Variants in TBC1D22A observed in about 807,000 individuals in gnomAD.
TBC1D22A encodes TBC1 domain family member 22A.
A neutral mutation model predicts 60.2 loss-of-function variants in TBC1D22A; 38 were observed. The ratio of observed to expected loss-of-function variants is 0.63; its 90% CI spans 0.49 to 0.83. TBC1D22A has a LOEUF of 0.83. Among genes scored for constraint, TBC1D22A ranks in the 40% least tolerant of loss-of-function variants. TBC1D22A has a pLI of 0.00. For missense variants in TBC1D22A, 628 were observed against 701.0 expected, an observed-to-expected ratio of 0.90 and a Z score of 1.18; for synonymous variants, 302 against 281.7, an observed-to-expected ratio of 1.07 and a Z score of -0.72.
At chr22:46,878,840 G>A in intron 5 of TBC1D22A, 117 bp downstream of exon 5, 1 of 856,618 alleles carries the variant, frequency 1.2e-6, no homozygotes, top group Non-Finnish European at 1.9e-6. Context: ...CTTTGTTGCA[G>A]TGATAAAGGC....
intron 8 of TBC1D22A, 81 bp from the exon 9 acceptor site, chr22:46,974,209 T>C: frequency 5.1e-6 from 6 of 1,186,674 alleles, no homozygotes; most frequent in Non-Finnish European, 6.1e-6. Context: ...GGCTCAGCTC[T>C]GTTCCTCCGT....
chr22:47,075,315 T>A (rs2064162187), intron 11 of TBC1D22A, among the ~76,000 whole-genome samples: 1 of 151,790 alleles, frequency 6.6e-6, no homozygotes, highest in African/African-American at 2.4e-5. Flanking sequence ...GGGGAGGCTT[T>A]GTAGGGTGCT....
chr22:46,925,155 T>G (rs1023013920), intron 8 of TBC1D22A, among the ~76,000 whole-genome samples: 22 of 152,252 alleles, frequency 1.4e-4, no homozygotes, highest in Admixed American at 1.4e-3. Context: ...CCACCTTGTT[T>G]TTTTTGTGTT....
chr22:47,003,157 A>AT (rs1245243007), intron 10 of TBC1D22A, among the ~76,000 whole-genome samples: 1 of 152,124 alleles, frequency 6.6e-6, no homozygotes, highest in Non-Finnish European at 1.5e-5. Flanking sequence ...ACAGTGAACA[A>AT]TTTTTTAATA....
chr22:47,056,572 C>A (rs371821887), intron 11 of TBC1D22A, among the ~76,000 whole-genome samples: 2 of 152,198 alleles, frequency 1.3e-5, no homozygotes, highest in African/African-American at 2.4e-5. Context: ...CTCTCCACCC[C>A]GTCTGTGCAC....
At chr22:47,035,099 A>G (rs576615316) in intron 10 of TBC1D22A, among the ~76,000 whole-genome samples, 30 of 152,304 alleles carry the variant, frequency 2.0e-4, no homozygotes, top group African/African-American at 7.2e-4. Context: ...AGACCTCTTC[A>G]TAAAGCAAAA....
intron 5 of TBC1D22A, among the ~76,000 whole-genome samples, chr22:46,890,849 G>T (rs1246909591): frequency 1.3e-5 from 2 of 152,208 alleles, no homozygotes; most frequent in African/African-American, 4.8e-5. Flanking sequence ...CGTGGGGTGT[G>T]TGTGCGTGGT....
At chr22:46,941,650 C>T (rs939492665) in intron 8 of TBC1D22A, among the ~76,000 whole-genome samples, 18 of 70,838 alleles carry the variant, frequency 2.5e-4, no homozygotes, top group Admixed American at 1.5e-3. Context: ...AATATATATA[C>T]GGAATATATA....
chr22:47,143,376 C>T (rs1330094316), intron 12 of TBC1D22A, among the ~76,000 whole-genome samples: 1 of 152,160 alleles, frequency 6.6e-6, no homozygotes, highest in African/African-American at 2.4e-5. Context: ...AAAAGGTGTC[C>T]CAATAGCAGA....
intron 11 of TBC1D22A, among the ~76,000 whole-genome samples, chr22:47,055,694 G>T (rs969658340): frequency 1.3e-5 from 2 of 152,142 alleles, no homozygotes; most frequent in East Asian, 1.9e-4. Flanking sequence ...GTGGGCAGGC[G>T]CACCTAGGAG....
At chr22:46,915,786 C>G (rs998343682) in intron 8 of TBC1D22A, 1 of 456,570 alleles carries the variant, frequency 2.2e-6, no homozygotes, top group African/African-American at 2.0e-5. Flanking sequence ...AGATCCTGGC[C>G]TGCCATATGC....
At chr22:46,987,664 T>C (rs2074778608) in intron 9 of TBC1D22A, among the ~76,000 whole-genome samples, 1 of 152,192 alleles carries the variant, frequency 6.6e-6, no homozygotes, top group Non-Finnish European at 1.5e-5. Flanking sequence ...TGCTAGAAAA[T>C]GCGAATGATC....
chr22:47,154,585 TG>T, intron 12 of TBC1D22A, among the ~76,000 whole-genome samples: 1 of 152,282 alleles, frequency 6.6e-6, no homozygotes, highest in South Asian at 2.1e-4. Flanking sequence ...CTCAGGAAGC[TG>T]GGGGACCCCA....
At chr22:46,765,959 G>GTA (rs1409547118) in intron 1 of TBC1D22A, among the ~76,000 whole-genome samples, 37 of 4,210 alleles carry the variant, frequency 8.8e-3, no homozygotes, top group African/African-American at 0.077. Context: ...GCTAATTTAT[G>GTA]TGTGTGTGTG....
chr22:46,919,642 TG>T (rs2070614538), intron 8 of TBC1D22A, among the ~76,000 whole-genome samples: 1 of 151,848 alleles, frequency 6.6e-6, no homozygotes, highest in Non-Finnish European at 1.5e-5. Context: ...CCATTTTCCC[TG>T]CCCATAGCAT....
At chr22:46,800,464 GCCTC>G (rs2084849227) in intron 4 of TBC1D22A, among the ~76,000 whole-genome samples, 1 of 152,130 alleles carries the variant, frequency 6.6e-6, no homozygotes, top group East Asian at 1.9e-4. Context: ...TGGCTCTCCT[GCCTC>G]CAGGGTGGTG....
intron 4 of TBC1D22A, among the ~76,000 whole-genome samples, chr22:46,800,294 G>T (rs753720854): frequency 1.3e-5 from 2 of 152,202 alleles, no homozygotes; most frequent in Non-Finnish European, 2.9e-5. Context: ...AAGGCAGTGT[G>T]GGGGATGGGT....
intron 10 of TBC1D22A, among the ~76,000 whole-genome samples, chr22:47,021,886 A>G (rs2062101305): frequency 6.6e-6 from 1 of 152,160 alleles, no homozygotes; most frequent in Non-Finnish European, 1.5e-5. Context: ...TGGGTCAGGA[A>G]CTGCCACCCG....
chr22:47,042,075 G>C (rs893431151), intron 11 of TBC1D22A, among the ~76,000 whole-genome samples: 2 of 152,268 alleles, frequency 1.3e-5, no homozygotes, highest in African/African-American at 4.8e-5. Context: ...ATTGTTCTCT[G>C]AGAGTTTTTA....
Sources: gnomAD v4.1 joint callset for allele counts (sites outside exome capture counted in the v4.1 genomes callset) on GRCh38, gnomAD v4.1.1 for gene constraint, MANE v1.5 for transcripts, NCBI Gene and HGNC (gene_info 2026-07-23, HGNC 2026-07-21) for gene names.